LGSN: variants seen among roughly 807,000 people sequenced by gnomAD.
The protein encoded by LGSN is lengsin, lens protein with glutamine synthetase domain.
Under a neutral mutation model 19.5 loss-of-function variants are expected in LGSN, and 21 were observed. The ratio of observed to expected loss-of-function variants is 1.07; its 90% CI spans 0.76 to 1.55. LGSN has a LOEUF of 1.55. Among genes scored for constraint, LGSN ranks in the 40% most tolerant of loss-of-function variants. The pLI, the probability that LGSN is intolerant of heterozygous loss-of-function variation, is 0.00. For synonymous variants in LGSN, 257 were observed against 215.6 expected (o/e 1.19, Z -1.68); for missense variants, 673 against 608.5 (o/e 1.11, Z -1.12).
the LGSN span, among the ~76,000 whole-genome samples, chr6:63,536,776 TTATTA>T: frequency 6.6e-6 from 1 of 152,150 alleles, no homozygotes; most frequent in African/African-American, 2.4e-5. Flanking sequence ...AGAAAAGGTT[TTATTA>T]TATTATTTAT....
the LGSN span, among the ~76,000 whole-genome samples, chr6:63,426,952 CA>C: frequency 6.6e-6 from 1 of 152,018 alleles, no homozygotes; most frequent in African/African-American, 2.4e-5. Context: ...ATCTTGGACA[CA>C]ACTAATGTCC....
chr6:63,518,999 A>G, the LGSN span, among the ~76,000 whole-genome samples: 1 of 152,210 alleles, frequency 6.6e-6, no homozygotes, highest in Non-Finnish European at 1.5e-5. Context: ...AAGCATGTGC[A>G]TATTCACACT....
At chr6:63,358,889 G>T in the LGSN span, among the ~76,000 whole-genome samples, 554 of 152,280 alleles carry the variant, frequency 3.6e-3, 4 homozygotes, top group East Asian at 0.034. Context: ...AGTAGTGAGA[G>T]AGGACATTCC....
the LGSN span, among the ~76,000 whole-genome samples, chr6:63,377,277 C>A: frequency 6.6e-6 from 1 of 152,140 alleles, no homozygotes; most frequent in Non-Finnish European, 1.5e-5. Context: ...AGGCAGAGAG[C>A]AACCCAGAAG....
the LGSN span, among the ~76,000 whole-genome samples, chr6:63,465,399 C>G: frequency 3.3e-5 from 5 of 152,128 alleles, no homozygotes; most frequent in African/African-American, 1.2e-4. Flanking sequence ...CCAGGCTGGT[C>G]TCGAACTCCT....
At chr6:63,350,405 T>C in the LGSN span, among the ~76,000 whole-genome samples, 1 of 152,266 alleles carries the variant, frequency 6.6e-6, no homozygotes, top group East Asian at 1.9e-4. Flanking sequence ...TTACTGGATC[T>C]AGTCATAGTT....
the LGSN span, among the ~76,000 whole-genome samples, chr6:63,421,831 A>G: frequency 0.015 from 2,256 of 152,318 alleles, 45 homozygotes; most frequent in African/African-American, 0.052. Context: ...GACTATAAAA[A>G]AAGTTCTAAC....
intron 1 of LGSN, among the ~76,000 whole-genome samples, chr6:63,307,076 T>C (rs936822959): frequency 4.6e-5 from 7 of 152,118 alleles, no homozygotes; most frequent in Non-Finnish European, 1.0e-4. Flanking sequence ...GTATCTAGTG[T>C]GGTACTAAAG....
chr6:63,450,726 G>A, the LGSN span, among the ~76,000 whole-genome samples: 1 of 151,538 alleles, frequency 6.6e-6, no homozygotes, highest in Non-Finnish European at 1.5e-5. Context: ...AGACTGGAGT[G>A]TAGCAGGGCA....
At chr6:63,374,500 T>C in the LGSN span, among the ~76,000 whole-genome samples, 2 of 152,186 alleles carry the variant, frequency 1.3e-5, no homozygotes, top group Admixed American at 1.3e-4. Flanking sequence ...GATGTTAAAA[T>C]GAACAAAATA....
At chr6:63,514,283 A>G in the LGSN span, among the ~76,000 whole-genome samples, 1 of 152,208 alleles carries the variant, frequency 6.6e-6, no homozygotes. Flanking sequence ...GCTGGAATAC[A>G]GTGGCACAAT....
At chr6:63,391,730 G>A in the LGSN span, among the ~76,000 whole-genome samples, 5 of 152,144 alleles carry the variant, frequency 3.3e-5, no homozygotes, top group Admixed American at 2.0e-4. Flanking sequence ...GGCTGATAGC[G>A]AGGCTTTTAG....
chr6:63,390,887 A>G, the LGSN span, among the ~76,000 whole-genome samples: 1 of 151,626 alleles, frequency 6.6e-6, no homozygotes, highest in Non-Finnish European at 1.5e-5. Flanking sequence ...AGAAAAGAAA[A>G]TTGGAATTGA....
chr6:63,372,752 T>C, the LGSN span, among the ~76,000 whole-genome samples: 2 of 152,074 alleles, frequency 1.3e-5, no homozygotes, highest in African/African-American at 4.8e-5. Context: ...GACACCATAA[T>C]TGTAAAACAT....
the LGSN span, among the ~76,000 whole-genome samples, chr6:63,465,398 T>C: frequency 9.2e-5 from 14 of 152,198 alleles, no homozygotes; most frequent in East Asian, 2.5e-3. Flanking sequence ...ACCAGGCTGG[T>C]CTCGAACTCC....
the LGSN span, among the ~76,000 whole-genome samples, chr6:63,420,063 C>T: frequency 6.6e-6 from 1 of 151,608 alleles, no homozygotes; most frequent in Non-Finnish European, 1.5e-5. Flanking sequence ...ATTAGCTGGG[C>T]ATGATGGCAG....
the LGSN span, among the ~76,000 whole-genome samples, chr6:63,326,679 T>G: frequency 6.6e-6 from 1 of 152,216 alleles, no homozygotes; most frequent in Non-Finnish European, 1.5e-5. Flanking sequence ...GTACACCCTC[T>G]GCAGCTGCTG....
the LGSN span, among the ~76,000 whole-genome samples, chr6:63,455,845 C>G: frequency 8.5e-4 from 129 of 152,056 alleles, no homozygotes; most frequent in Middle Eastern, 6.8e-3. Flanking sequence ...GAGGCTGAGG[C>G]AGGAGGATCA....
At chr6:63,395,274 T>C in the LGSN span, 4 of 152,262 alleles carry the variant, frequency 2.6e-5, no homozygotes, top group South Asian at 4.1e-4. Flanking sequence ...TGAAGTATAA[T>C]AAAGTTTGCT....
Sources: gnomAD v4.1 joint callset for allele counts (sites outside exome capture counted in the v4.1 genomes callset) on GRCh38, gnomAD v4.1.1 for gene constraint, MANE v1.5 for transcripts, NCBI Gene and HGNC (gene_info 2026-07-23, HGNC 2026-07-21) for gene names.